XKR6: variants seen among roughly 807,000 people sequenced by gnomAD.
XKR6 encodes the protein XK-related protein 6.
A neutral mutation model predicts 56.7 loss-of-function variants in XKR6; 22 were observed. That is an observed-to-expected ratio of 0.39 (90% CI 0.28 to 0.55). The LOEUF (loss-of-function observed/expected upper bound fraction) is 0.55, where lower values mean the gene tolerates loss of function less well. XKR6 is among the 20% of genes least tolerant of loss of function. The pLI, the probability that XKR6 is intolerant of heterozygous loss-of-function variation, is 0.66. For synonymous variants in XKR6, 524 were observed against 387.8 expected (o/e 1.35, Z -4.13); for missense variants, 852 against 889.0 (o/e 0.96, Z 0.53).
At chr8:11,116,369 G>A (rs1799174089) in intron 1 of XKR6, among the ~76,000 whole-genome samples, 1 of 152,036 alleles carries the variant, frequency 6.6e-6, no homozygotes. Context: ...ACTCTTACTT[G>A]ACTTTTCTCT....
At chr8:11,142,363 G>C (rs1335847330) in intron 1 of XKR6, among the ~76,000 whole-genome samples, 3 of 152,144 alleles carry the variant, frequency 2.0e-5, no homozygotes, top group South Asian at 2.1e-4. Flanking sequence ...TGATCAAAAG[G>C]ACTCAGGAGT....
chr8:11,194,515 C>G (rs1673370219), intron 1 of XKR6: 1 of 152,100 alleles, frequency 6.6e-6, no homozygotes, highest in African/African-American at 2.4e-5. Context: ...ATCCAGAATT[C>G]CTGATGAGAA....
At chr8:10,980,281 G>A (rs1294776662) in intron 1 of XKR6, among the ~76,000 whole-genome samples, 1 of 152,190 alleles carries the variant, frequency 6.6e-6, no homozygotes, top group East Asian at 1.9e-4. Context: ...GGCTGCAGGG[G>A]AAGGGGCCAG....
intron 1 of XKR6, among the ~76,000 whole-genome samples, chr8:11,057,004 C>T (rs1799701912): frequency 6.6e-6 from 1 of 152,214 alleles, no homozygotes. Context: ...GACGCCTTGT[C>T]CTTGGCTGCC....
intron 1 of XKR6, among the ~76,000 whole-genome samples, chr8:11,092,710 T>C (rs923655874): frequency 3.3e-5 from 5 of 152,226 alleles, no homozygotes; most frequent in Admixed American, 3.3e-4. Flanking sequence ...AAGAACCTCA[T>C]TCTGCCGGCT....
intron 1 of XKR6, among the ~76,000 whole-genome samples, chr8:11,057,557 T>C (rs1411960076): frequency 6.6e-6 from 1 of 152,204 alleles, no homozygotes; most frequent in African/African-American, 2.4e-5. Context: ...ATTTCACACA[T>C]GTGAGGCATT....
At chr8:11,043,529 C>G (rs1255145827) in intron 1 of XKR6, among the ~76,000 whole-genome samples, 1 of 152,234 alleles carries the variant, frequency 6.6e-6, no homozygotes, top group African/African-American at 2.4e-5. Context: ...TCAGTCTCTG[C>G]CCCAGCAGCT....
intron 1 of XKR6, among the ~76,000 whole-genome samples, chr8:11,045,076 T>A (rs1374111177): frequency 1.5e-4 from 2 of 13,232 alleles, no homozygotes; most frequent in East Asian, 5.9e-3. Context: ...CAAATCACTC[T>A]TTTTTTTTTT....
At chr8:11,172,377 TAAAC>T (rs1046614744) in intron 1 of XKR6, among the ~76,000 whole-genome samples, 3 of 151,854 alleles carry the variant, frequency 2.0e-5, no homozygotes, top group African/African-American at 7.3e-5. Flanking sequence ...AATAAATAAA[TAAAC>T]AAAATTACCC....
At chr8:11,018,297 G>A (rs1261659816) in intron 1 of XKR6, among the ~76,000 whole-genome samples, 2 of 152,176 alleles carry the variant, frequency 1.3e-5, no homozygotes, top group African/African-American at 4.8e-5. Flanking sequence ...CCTCCTTCCT[G>A]ATGAGACCTG....
chr8:10,935,406 CTGCTGTGATTTTAGTTATTTCT>C (rs1330696015), intron 1 of XKR6, among the ~76,000 whole-genome samples: 1 of 111,290 alleles, frequency 9.0e-6, no homozygotes, highest in East Asian at 2.0e-4. Flanking sequence ...TCCTTCAGTT[CTGCTGTGATTTTAGTTATTTCT>C]TGCCTTCTGC....
In XKR6 at chr8:11,165,163, G is replaced by A. The variant is rs374471343; in HGVS notation, c.764+35413C>T. 8.4e-5 allele frequency among the ~76,000 whole-genome samples: 11 copies of A among 131,184 alleles called. No homozygotes were observed. In the East Asian group the frequency reaches 1.8e-3, roughly 21 times the overall value. 86.1% of individuals were successfully genotyped at this position (131,184 alleles called of 152,430 possible). Reference sequence around the variant, plus strand: ...CACCCAGGCTGGAGTGCAATGGCACGATCTTGGCTCACTGCAACCTCCGCC... The same window carrying A: ...CACCCAGGCTGGAGTGCAATGGCACAATCTTGGCTCACTGCAACCTCCGCC... On this transcript the variant is annotated intron_variant, in intron 1 of 2. Coordinates refer to ENST00000416569, the MANE Select transcript of XKR6 (RefSeq NM_173683.4).
At chr8:11,186,118 G>A (rs575153883) in intron 1 of XKR6, among the ~76,000 whole-genome samples, 53 of 152,164 alleles carry the variant, frequency 3.5e-4, no homozygotes, top group African/African-American at 6.0e-4. Flanking sequence ...AAGGGAAATC[G>A]TCTCTTGTAC....
intron 1 of XKR6, among the ~76,000 whole-genome samples, chr8:11,113,279 T>G (rs1798996312): frequency 6.6e-6 from 1 of 152,184 alleles, no homozygotes; most frequent in African/African-American, 2.4e-5. Flanking sequence ...ATTCTATTTT[T>G]AGGAGAGTTA....
At chr8:10,903,131 C>T (rs764512655) in intron 2 of XKR6, among the ~76,000 whole-genome samples, 3 of 152,176 alleles carry the variant, frequency 2.0e-5, no homozygotes, top group Non-Finnish European at 2.9e-5. Flanking sequence ...AACATGTCTT[C>T]AGCCTGCCCC....
chr8:11,190,430 C>G (rs963079381), intron 1 of XKR6, among the ~76,000 whole-genome samples: 4 of 152,084 alleles, frequency 2.6e-5, no homozygotes, highest in Non-Finnish European at 5.9e-5. Context: ...CTACATATTC[C>G]TTTGTGTAAT....
intron 2 of XKR6, among the ~76,000 whole-genome samples, chr8:10,919,346 C>T (rs1215425995): frequency 2.0e-5 from 3 of 152,198 alleles, no homozygotes; most frequent in Admixed American, 2.0e-4. Context: ...TTTCTCCAAC[C>T]CCAACCAGTT....
At chr8:11,081,306 G>C (rs1400416821) in intron 1 of XKR6, among the ~76,000 whole-genome samples, 6 of 152,180 alleles carry the variant, frequency 3.9e-5, no homozygotes, top group Non-Finnish European at 7.3e-5. Flanking sequence ...CATATGGAAT[G>C]AATCTGTTCC....
At chr8:11,181,597 T>C (rs1736467083) in intron 1 of XKR6, among the ~76,000 whole-genome samples, 1 of 152,224 alleles carries the variant, frequency 6.6e-6, no homozygotes, top group African/African-American at 2.4e-5. Context: ...TTGTTTTGTA[T>C]ATTTATATAT....
Sources: gnomAD v4.1 joint callset for allele counts (sites outside exome capture counted in the v4.1 genomes callset) on GRCh38, gnomAD v4.1.1 for gene constraint, MANE v1.5 for transcripts, NCBI Gene and HGNC (gene_info 2026-07-23, HGNC 2026-07-21) for gene names.